RFX3: variants seen among roughly 807,000 people sequenced by gnomAD.
The protein encoded by RFX3 is regulatory factor X3.
RFX3 carries 14 observed loss-of-function variants against 98.6 expected under a neutral mutation model. That is an observed-to-expected ratio of 0.14 (90% CI 0.09 to 0.22). The LOEUF is 0.22. Among genes scored for constraint, RFX3 ranks in the 10% least tolerant of loss-of-function variants. The probability of loss-of-function intolerance (pLI) is 1.00; values close to 1 mark genes in which losing one functional copy is unlikely to be tolerated. For missense variants in RFX3, 639 were observed against 926.9 expected (o/e 0.69, Z 4.03); for synonymous variants, 383 against 328.4 (o/e 1.17, Z -1.80).
chr9:3,445,159 G>A (rs1386790605), intron 1 of RFX3, among the ~76,000 whole-genome samples: 1 of 151,700 alleles, frequency 6.6e-6, no homozygotes, highest in Non-Finnish European at 1.5e-5. Context: ...CTTTCACGTA[G>A]GGAAAGCAAT....
intron 1 of RFX3, among the ~76,000 whole-genome samples, chr9:3,412,457 T>A (rs1463587273): frequency 3.9e-5 from 6 of 152,220 alleles, no homozygotes; most frequent in African/African-American, 1.4e-4. Flanking sequence ...TATAGAGAAG[T>A]AAAAGAAAGG....
chr9:3,463,336 A>C (rs985455188), intron 1 of RFX3, among the ~76,000 whole-genome samples: 1 of 152,168 alleles, frequency 6.6e-6, no homozygotes, highest in Non-Finnish European at 1.5e-5. Flanking sequence ...GAAAGATACA[A>C]CACCTCATAT....
At chr9:3,385,702 AAAGAAAAGAAAAG>A (rs1339094836) in intron 2 of RFX3, among the ~76,000 whole-genome samples, 6 of 92,938 alleles carry the variant, frequency 6.5e-5, no homozygotes, top group Admixed American at 6.0e-4. Context: ...AAAAAAAAAA[AAAGAAAAGAAAAG>A]AAAAGAAAAG....
At chr9:3,507,878 C>T (rs751855077) in intron 1 of RFX3, among the ~76,000 whole-genome samples, 17 of 151,590 alleles carry the variant, frequency 1.1e-4, no homozygotes, top group Non-Finnish European at 1.9e-4. Context: ...CCCACAGATA[C>T]GAAATGTAGA....
chr9:3,290,020 C>T (rs570354699), intron 6 of RFX3, among the ~76,000 whole-genome samples: 1 of 151,988 alleles, frequency 6.6e-6, no homozygotes, highest in South Asian at 2.1e-4. Context: ...AAAGTAAATG[C>T]TAAACAGTTT....
chr9:3,337,296 T>C (rs1833302377), intron 3 of RFX3, among the ~76,000 whole-genome samples: 1 of 152,182 alleles, frequency 6.6e-6, no homozygotes, highest in Non-Finnish European at 1.5e-5. Flanking sequence ...GCATTATATG[T>C]CTGATTGAAC....
rs1829656068 is a variant in RFX3, at chr9:3,309,004, T to C, written c.475-7384A>G. ...GAGAGCTAGAGACTATACCAATTAA[T>C]TTGCTTCCGTTGTACAAAGTAGTAC... On this transcript the variant is annotated intron_variant, in intron 4 of 16. Coordinates refer to ENST00000617270, the MANE Select transcript of RFX3 (RefSeq NM_001282116.2). 2.6e-5 allele frequency among the ~76,000 whole-genome samples: 4 copies of C among 152,110 alleles called. No individual in the cohort carries two copies. The South Asian group carries it at 6.2e-4, about 24-fold the overall frequency.
intron 1 of RFX3, among the ~76,000 whole-genome samples, chr9:3,518,917 A>G (rs957408043): frequency 1.3e-5 from 2 of 152,210 alleles, no homozygotes; most frequent in Non-Finnish European, 2.9e-5. Context: ...TAAAGTAACA[A>G]TTCTAAGCAA....
chr9:3,375,330 T>C (rs1041143341), intron 2 of RFX3, among the ~76,000 whole-genome samples: 1 of 152,232 alleles, frequency 6.6e-6, no homozygotes, highest in African/African-American at 2.4e-5. Context: ...TTTACTTTGA[T>C]TCTGATCCCA....
At chr9:3,467,265 TACATACATAC>T (rs1848383980) in intron 1 of RFX3, among the ~76,000 whole-genome samples, 4 of 145,484 alleles carry the variant, frequency 2.7e-5, no homozygotes, top group African/African-American at 1.0e-4. Context: ...CATATATATG[TACATACATAC>T]ATATATATAC....
intron 5 of RFX3, among the ~76,000 whole-genome samples, chr9:3,299,456 T>A (rs978429797): frequency 2.6e-5 from 4 of 151,770 alleles, no homozygotes; most frequent in Non-Finnish European, 5.9e-5. Flanking sequence ...CATTTTTGTT[T>A]CTAAATATTT....
intron 9 of RFX3, among the ~76,000 whole-genome samples, chr9:3,272,341 T>C (rs1407753759): frequency 1.3e-5 from 2 of 152,152 alleles, no homozygotes; most frequent in Non-Finnish European, 2.9e-5. Flanking sequence ...TATAAGAGTA[T>C]TGTAGGCAAA....
intron 2 of RFX3, among the ~76,000 whole-genome samples, chr9:3,382,373 A>G (rs12335763): frequency 0.26 from 38,820 of 152,080 alleles, 5,997 homozygotes; most frequent in African/African-American, 0.44. Context: ...CAACTATAAT[A>G]TGAATTTGGG....
At chr9:3,270,205 A>T (rs972962818) in intron 11 of RFX3, among the ~76,000 whole-genome samples, 166 bp downstream of exon 11, 13 of 152,220 alleles carry the variant, frequency 8.5e-5, no homozygotes, top group Admixed American at 8.5e-4. Context: ...CTTTTACTAC[A>T]GTTTTGCTCT....
intron 4 of RFX3, among the ~76,000 whole-genome samples, chr9:3,308,206 T>C (rs901066359): frequency 2.6e-5 from 4 of 152,124 alleles, no homozygotes; most frequent in Admixed American, 1.3e-4. Flanking sequence ...TACATAGTGC[T>C]TGGGAATTAA....
intron 1 of RFX3, among the ~76,000 whole-genome samples, chr9:3,516,912 T>C (rs1192511742): frequency 1.3e-5 from 2 of 152,338 alleles, no homozygotes; most frequent in East Asian, 1.9e-4. Flanking sequence ...AGCTAATTCC[T>C]ATGTGGGTGA....
At chr9:3,237,394 A>G (rs927327427) in intron 15 of RFX3, among the ~76,000 whole-genome samples, 7 of 152,280 alleles carry the variant, frequency 4.6e-5, no homozygotes, top group Non-Finnish European at 4.4e-5. Flanking sequence ...AGTATTATCA[A>G]TGCCTTCATA....
At chr9:3,383,375 T>G (rs1485306956) in intron 2 of RFX3, among the ~76,000 whole-genome samples, 1 of 152,138 alleles carries the variant, frequency 6.6e-6, no homozygotes, top group African/African-American at 2.4e-5. Flanking sequence ...TAATCCTTCT[T>G]GACATAAAGT....
At chr9:3,343,462 G>A (rs1055357081) in intron 3 of RFX3, among the ~76,000 whole-genome samples, 1 of 152,134 alleles carries the variant, frequency 6.6e-6, no homozygotes, top group African/African-American at 2.4e-5. Context: ...GTACATGGAA[G>A]TGTGCCAAAT....
Sources: gnomAD v4.1 joint callset for allele counts (sites outside exome capture counted in the v4.1 genomes callset) on GRCh38, gnomAD v4.1.1 for gene constraint, MANE v1.5 for transcripts, NCBI Gene and HGNC (gene_info 2026-07-23, HGNC 2026-07-21) for gene names.